Variants in SLC23A2 observed in about 807,000 individuals in gnomAD.
SLC23A2 encodes the protein solute carrier family 23 member 2, also known as Na(+)/L-ascorbic acid transporter 2.
In SLC23A2, 36 loss-of-function variants were observed where a neutral mutation model predicts 73.3. The ratio of observed to expected loss-of-function variants is 0.49; its 90% confidence interval spans 0.38 to 0.65. SLC23A2 has a LOEUF of 0.65. Ranked by LOEUF, SLC23A2 falls within the 30% of genes least tolerant of loss-of-function variation. The probability of loss-of-function intolerance (pLI) is 0.00; values close to 1 mark genes in which losing one functional copy is unlikely to be tolerated. For missense variants in SLC23A2, 507 were observed against 841.6 expected, an observed-to-expected ratio of 0.60 and a Z score of 4.92; for synonymous variants, 343 against 327.3, an observed-to-expected ratio of 1.05 and a Z score of -0.52.
intron 1 of SLC23A2, among the ~76,000 whole-genome samples, chr20:5,001,129 G>T (rs1416950260): frequency 6.6e-6 from 1 of 151,830 alleles, no homozygotes; most frequent in Admixed American, 6.6e-5. Flanking sequence ...CCCGTGGCGG[G>T]AAGGGGTGGG....
At chr20:4,928,136 C>T (rs1206685924) in intron 3 of SLC23A2, among the ~76,000 whole-genome samples, 1 of 152,136 alleles carries the variant, frequency 6.6e-6, no homozygotes. Flanking sequence ...AACCTCTGGG[C>T]TCAAAGAATC....
intron 3 of SLC23A2, among the ~76,000 whole-genome samples, chr20:4,925,562 T>C (rs1010044190): frequency 2.0e-5 from 3 of 152,172 alleles, no homozygotes; most frequent in African/African-American, 7.2e-5. Context: ...GTCAGGTCAC[T>C]GTCGGCTCAC....
chr20:4,861,907 G>A (rs761980432), intron 15 of SLC23A2, 41 bp downstream of exon 15: 2 of 1,607,076 alleles, frequency 1.2e-6, no homozygotes, highest in South Asian at 1.1e-5. Flanking sequence ...GGCGGCTGTG[G>A]TTCCAGCTCC....
At chr20:4,866,919 T>TA (rs1248886871) in intron 13 of SLC23A2, among the ~76,000 whole-genome samples, 2 of 152,074 alleles carry the variant, frequency 1.3e-5, no homozygotes, top group Non-Finnish European at 2.9e-5. Flanking sequence ...TTCATGGTCT[T>TA]AGTTTCACAA....
chr20:4,970,992 A>G (rs987942161), intron 1 of SLC23A2, 73 bp from the exon 2 acceptor site: 1 of 152,014 alleles, frequency 6.6e-6, no homozygotes, highest in Admixed American at 6.6e-5. Context: ...AATGGAGTCT[A>G]TTTTTCACCC....
intron 1 of SLC23A2, among the ~76,000 whole-genome samples, chr20:4,977,942 C>A (rs76434940): frequency 6.6e-6 from 1 of 151,860 alleles, no homozygotes; most frequent in Non-Finnish European, 1.5e-5. Flanking sequence ...CATGAAAAAA[C>A]GAAAGATACT....
At chr20:4,971,320 AC>A in intron 1 of SLC23A2, among the ~76,000 whole-genome samples, 1 of 151,436 alleles carries the variant, frequency 6.6e-6, no homozygotes, top group South Asian at 2.1e-4. Flanking sequence ...ACACACACAC[AC>A]ACACACACAC....
chr20:4,895,522 T>A (rs1240687040), intron 6 of SLC23A2, among the ~76,000 whole-genome samples: 1 of 152,122 alleles, frequency 6.6e-6, no homozygotes, highest in Non-Finnish European at 1.5e-5. Context: ...AACATAATAA[T>A]CTACAAAAAC....
intron 3 of SLC23A2, among the ~76,000 whole-genome samples, chr20:4,916,465 C>A (rs906205314): frequency 2.6e-5 from 4 of 151,976 alleles, no homozygotes; most frequent in Non-Finnish European, 4.4e-5. Context: ...ACCAAATGGA[C>A]GAGGCTGTAT....
chr20:4,873,526 T>C (rs1162297599), intron 11 of SLC23A2, among the ~76,000 whole-genome samples: 1 of 152,216 alleles, frequency 6.6e-6, no homozygotes, highest in African/African-American at 2.4e-5. Context: ...ATAAATTCCA[T>C]CATGCTTGAG....
intron 3 of SLC23A2, among the ~76,000 whole-genome samples, chr20:4,925,657 C>T (rs1427557452): frequency 6.6e-6 from 1 of 152,122 alleles, no homozygotes; most frequent in African/African-American, 2.4e-5. Context: ...TTTCCTACCC[C>T]AAAACGAGCA....
rs1929685554 is a variant in SLC23A2, at chr20:4,855,587, C to T, written c.*1385G>A. ...TTTCTTATCACCTTTGGCAACCACC[C>T]TCACCTGTAAAATCAAGATCTAACG... On this transcript the variant is annotated 3_prime_UTR_variant, in exon 17 of 17. Transcript: ENST00000338244. 6.6e-6 allele frequency: 1 copy of T among 152,598 alleles called. No individual in the cohort carries two copies. The highest frequency in any genetic ancestry group is 6.5e-5 in the Admixed American group (1 of 15,280). 9.5% of individuals were successfully genotyped at this position (152,598 alleles called of 1,614,324 possible).
chr20:4,937,200 C>T (rs749228078), intron 2 of SLC23A2, among the ~76,000 whole-genome samples: 2 of 151,964 alleles, frequency 1.3e-5, no homozygotes, highest in African/African-American at 4.8e-5. Context: ...CAAGGTCCAG[C>T]GGCAAAATGC....
chr20:4,869,643 T>C (rs1198011511), intron 12 of SLC23A2: 1 of 425,318 alleles, frequency 2.4e-6, no homozygotes, highest in African/African-American at 2.0e-5. Context: ...AGAGAGTGTG[T>C]TATTTGATGT....
rs762849023 is a variant in SLC23A2, at chr20:4,902,605, C to CAGTGTTAGCTCGGCCG, written c.208-48_208-47insCGGCCGAGCTAACACT. On this transcript the variant is annotated intron_variant, in intron 4 of 16. Coordinates refer to ENST00000338244, the MANE Select transcript of SLC23A2 (RefSeq NM_005116.6). This position sits in a 1 kb window ranked among gnomAD's most constrained non-coding sequence, Gnocchi z 4.0. ...GAAGGTGCTCATTAAACGTGAAGACCAGTGTTAGCTCGGCCATGTACAGGC... is the reference window on the plus strand; with the variant it reads ...GAAGGTGCTCATTAAACGTGAAGACCAGTGTTAGCTCGGCCGAGTGTTAGCTCGGCCATGTACAGGC... 9.0e-6 allele frequency: 10 copies of CAGTGTTAGCTCGGCCG among 1,111,872 alleles called. No homozygotes were observed. Among genetic ancestry groups the CAGTGTTAGCTCGGCCG allele is most frequent in the Non-Finnish European group, 1.4e-5 (10 of 740,368 alleles). The allele number at this position is 1,111,872 out of a possible 1,614,324, so 68.9% of individuals were successfully genotyped here.
rs116092955 is a variant in SLC23A2 at position 4,892,301 on chromosome 20, C to T, written c.483-6392G>A. 9.5e-3 allele frequency among the ~76,000 whole-genome samples: 1,453 copies of T among 152,212 alleles called. 25 individuals are homozygous for T. Among genetic ancestry groups the T allele is most frequent in the African/African-American group, 0.033 (1,363 of 41,520 alleles). ...TCTCGGGTTCAAGGGATTGTCCTTG[C>T]CTCAGCCTCCCGAGTACCTGGGATA... On this transcript the variant is annotated intron_variant, in intron 6 of 16. Transcript: ENST00000338244.
Position 4,861,947 on chromosome 20 carries a change from C to A in SLC23A2, c.1624+1G>T. ...CCAAGATGTAAAGCCCATTTCCTCA[C>A]CTGTGACCAGAGGGTTCTGTCTGAG... On this transcript the variant is annotated splice_donor_variant, in intron 15 of 16. Coordinates refer to ENST00000338244, the MANE Select transcript of SLC23A2 (RefSeq NM_005116.6). LOFTEE classifies it high-confidence loss of function. The A allele has an allele frequency of 6.2e-7, 1 of 1,614,046 alleles. No individual in the cohort carries two copies. Among genetic ancestry groups the A allele is most frequent in the Non-Finnish European group, 8.5e-7 (1 of 1,179,968 alleles).
chr20:4,960,037 TC>T (rs1453628246), intron 2 of SLC23A2, among the ~76,000 whole-genome samples: 2 of 152,152 alleles, frequency 1.3e-5, no homozygotes, highest in African/African-American at 4.8e-5. Context: ...CAAGAGATTC[TC>T]CCACCTCAGC....
At chr20:4,865,591 T>C (rs1298847798) in intron 13 of SLC23A2, among the ~76,000 whole-genome samples, 1 of 152,044 alleles carries the variant, frequency 6.6e-6, no homozygotes, top group Non-Finnish European at 1.5e-5. Flanking sequence ...TGATGATGTG[T>C]TTTAAAGGGG....
Sources: gnomAD v4.1 joint callset for allele counts (sites outside exome capture counted in the v4.1 genomes callset) on GRCh38, gnomAD v4.1.1 for gene constraint, Gnocchi (gnomAD v3.1) non-coding constraint, MANE v1.5 for transcripts, NCBI Gene and HGNC (gene_info 2026-07-23, HGNC 2026-07-21) for gene names.